The following CEP57L1 variants were observed in gnomAD, a reference collection of about 807,000 sequenced individuals.
CEP57L1 encodes the protein centrosomal protein 57 like 1.
In CEP57L1, 37 loss-of-function variants were observed where a neutral mutation model predicts 61.0. That is an observed-to-expected ratio of 0.61 (90% CI 0.47 to 0.80). The LOEUF (loss-of-function observed/expected upper bound fraction) is 0.80, where lower values mean the gene tolerates loss of function less well. CEP57L1 is among the 30% of genes least tolerant of loss of function. The pLI, the probability that CEP57L1 is intolerant of heterozygous loss-of-function variation, is 0.00. For synonymous variants in CEP57L1, 137 were observed against 162.3 expected, an observed-to-expected ratio of 0.84 and a Z score of 1.19; for missense variants, 422 against 524.7, an observed-to-expected ratio of 0.80 and a Z score of 1.91.
chr6:109,110,769 T>A (rs184287348), intron 1 of CEP57L1, among the ~76,000 whole-genome samples: 1 of 152,222 alleles, frequency 6.6e-6, no homozygotes, highest in Admixed American at 6.5e-5. Context: ...CCAGCACCAT[T>A]TATTAAATAG....
At chr6:109,153,601 T>A (rs981080258) in intron 4 of CEP57L1, among the ~76,000 whole-genome samples, 197 of 152,042 alleles carry the variant, frequency 1.3e-3, no homozygotes, top group African/African-American at 4.5e-3. Flanking sequence ...AAAAAAAAAA[T>A]TAAATTTAAA....
intron 1 of CEP57L1, among the ~76,000 whole-genome samples, chr6:109,116,548 A>G (rs956395220): frequency 6.6e-6 from 1 of 152,194 alleles, no homozygotes; most frequent in African/African-American, 2.4e-5. Context: ...CTTTATTTAT[A>G]TAGGTACAGT....
chr6:109,138,233 A>G (rs559724946), intron 1 of CEP57L1, among the ~76,000 whole-genome samples: 89 of 152,274 alleles, frequency 5.8e-4, no homozygotes, highest in Non-Finnish European at 1.1e-3. Context: ...TGAGCAGATT[A>G]ATGACATGAT....
At chr6:109,130,724 T>G (rs1015286486) in intron 1 of CEP57L1, 3 of 151,518 alleles carry the variant, frequency 2.0e-5, no homozygotes, top group African/African-American at 7.3e-5. Context: ...ATGTGGTGTC[T>G]CTCATGTTGA....
chr6:109,135,769 G>C (rs978646244), intron 1 of CEP57L1, among the ~76,000 whole-genome samples: 4 of 150,080 alleles, frequency 2.7e-5, no homozygotes, highest in Admixed American at 6.6e-5. Flanking sequence ...TGAACAGACA[G>C]TTCTCAAAAG....
intron 1 of CEP57L1, among the ~76,000 whole-genome samples, chr6:109,120,210 A>G (rs1452242248): frequency 1.3e-5 from 2 of 152,142 alleles, no homozygotes; most frequent in African/African-American, 4.8e-5. Context: ...TGCAGAACCT[A>G]CCTCTTAACC....
chr6:109,134,125 ACCAATATC>A (rs1774527523), intron 1 of CEP57L1, among the ~76,000 whole-genome samples: 1 of 152,172 alleles, frequency 6.6e-6, no homozygotes, highest in South Asian at 2.1e-4. Flanking sequence ...AGAATTTTAG[ACCAATATC>A]CCTGATGAAC....
chr6:109,153,553 C>A (rs1474267495), intron 4 of CEP57L1, among the ~76,000 whole-genome samples: 12 of 149,934 alleles, frequency 8.0e-5, no homozygotes. Context: ...GCCTTTTTTG[C>A]GTGTTATATT....
chr6:109,167,152 C>G lies in CEP57L1; in HGVS notation c.*4182C>G, dbSNP rs373416322. Among the ~76,000 whole-genome samples the G allele has an allele frequency of 7.9e-5, 12 of 152,230 alleles. No individual in the cohort carries two copies. Among genetic ancestry groups the G allele is most frequent in the African/African-American group, 2.6e-4 (11 of 41,546 alleles). On this transcript the variant is annotated 3_prime_UTR_variant, in exon 11 of 11. Coordinates refer to ENST00000517392, the MANE Select transcript of CEP57L1 (RefSeq NM_001271852.3). ...ACCTTCTCAATGCCTCAGCCTTTTT[C>G]TTCATATTCCATCTACTTGTTTTCA...
intron 1 of CEP57L1, among the ~76,000 whole-genome samples, chr6:109,096,542 T>C (rs1781728755): frequency 6.6e-6 from 1 of 152,132 alleles, no homozygotes; most frequent in South Asian, 2.1e-4. Flanking sequence ...CTTGGCGGTG[T>C]GGGGTGGGAC....
chr6:109,129,558 T>G (rs1452806786), intron 1 of CEP57L1: 1 of 454,958 alleles, frequency 2.2e-6, no homozygotes, highest in East Asian at 6.9e-5. Context: ...ACTTCTACAT[T>G]AAATTTTCAA....
intron 7 of CEP57L1, 98 bp from the exon 8 acceptor site, chr6:109,158,927 C>A: frequency 8.3e-7 from 1 of 1,211,292 alleles, no homozygotes; most frequent in South Asian, 1.5e-5. Flanking sequence ...GCCCATTTTC[C>A]AGTTGCATTG....
chr6:109,139,837 G>A (rs1013911558), intron 1 of CEP57L1, among the ~76,000 whole-genome samples: 3 of 151,948 alleles, frequency 2.0e-5, no homozygotes, highest in Admixed American at 1.3e-4. Flanking sequence ...TCACGATGTT[G>A]GCCAGGCTGG....
intron 3 of CEP57L1, among the ~76,000 whole-genome samples, chr6:109,149,276 C>T (rs1284280505): frequency 3.9e-5 from 6 of 152,182 alleles, no homozygotes; most frequent in East Asian, 1.9e-4. Context: ...GTCTTTAATC[C>T]GTCTTGAATT....
Position 109,170,270 on chromosome 6 carries a change from G to GCCA in CEP57L1, c.*7300_*7301insCCA, listed in dbSNP as rs1457363426. On this transcript the variant is annotated 3_prime_UTR_variant, in exon 11 of 11. Coordinates refer to ENST00000517392, the MANE Select transcript of CEP57L1 (RefSeq NM_001271852.3). ...AGAAATCTTAGTCTTTAAGAACAGA[G>GCCA]GATTGTAAAGTGAGCCAGACCTTCC... Among the ~76,000 whole-genome samples the GCCA allele has an allele frequency of 5.9e-5, 9 of 152,208 alleles. No homozygotes were observed. The East Asian group carries it at 1.7e-3, about 29-fold the overall frequency.
rs2114984563 is a variant in CEP57L1, at chr6:109,166,810, A to G, written c.*3840A>G. Among the ~76,000 whole-genome samples, 1 of 152,334 alleles carries G rather than the reference A, an allele frequency of 6.6e-6. No homozygotes were observed. Among genetic ancestry groups the G allele is most frequent in the African/African-American group, 2.4e-5 (1 of 41,572 alleles). ...GCACAATGGAAGGAGTGCATTGTGG[A>G]CAGAAATGCAACAGCTGCCATTATT... On this transcript the variant is annotated 3_prime_UTR_variant, in exon 11 of 11. Transcript: ENST00000517392.
rs1257391983 is a variant in CEP57L1, at chr6:109,155,284, C to T, written c.634C>T (p.Leu212=). The change falls in exon 6 of 11, where the codon CTA becomes TTA. Residue 212 remains leucine (L), a synonymous_variant. Transcript: ENST00000517392. The part of the protein sequence containing the change: ...KLKEEEHQRK[L]FQDKASELQT... ...TAAGGAAGAAGAACATCAGCGTAAG[C>T]TATTTCAAGACAAAGCTTCTGAGGT... is the stretch of plus-strand genomic sequence containing the variant. 3.1e-6 allele frequency: 5 copies of T among 1,593,098 alleles called. No individual in the cohort carries two copies. Among genetic ancestry groups the T allele is most frequent in the Non-Finnish European group, 4.3e-6 (5 of 1,167,454 alleles).
intron 10 of CEP57L1, among the ~76,000 whole-genome samples, chr6:109,162,324 GTTC>G (rs904634299): frequency 1.7e-4 from 26 of 151,962 alleles, no homozygotes; most frequent in African/African-American, 6.3e-4. Flanking sequence ...TACCTGAAAG[GTTC>G]TTCTCTGTCC....
intron 1 of CEP57L1, among the ~76,000 whole-genome samples, chr6:109,120,644 A>G (rs1772842722): frequency 6.6e-6 from 1 of 151,628 alleles, no homozygotes. Flanking sequence ...CTACTCTTAA[A>G]ATGTTTTAAA....
Sources: gnomAD v4.1 joint callset for allele counts (sites outside exome capture counted in the v4.1 genomes callset) on GRCh38, gnomAD v4.1.1 for gene constraint, MANE v1.5 for transcripts, NCBI Gene and HGNC (gene_info 2026-07-23, HGNC 2026-07-21) for gene names.